Variants in EDARADD observed in about 807,000 individuals in gnomAD.
EDARADD encodes the protein EDAR associated via death domain.
EDARADD carries 20 observed loss-of-function variants against 25.6 expected under a neutral mutation model. That is an observed-to-expected ratio of 0.78 (90% confidence interval 0.55 to 1.14). The LOEUF (loss-of-function observed/expected upper bound fraction) is 1.14. Ranked by LOEUF, EDARADD falls within the 50% of genes most tolerant of loss-of-function variation. The probability of loss-of-function intolerance (pLI) is 0.00; values close to 1 mark genes in which losing one functional copy is unlikely to be tolerated. For missense variants in EDARADD, 225 were observed against 270.1 expected, an observed-to-expected ratio of 0.83 and a Z score of 1.17; for synonymous variants, 86 against 94.4, an observed-to-expected ratio of 0.91 and a Z score of 0.52.
intron 3 of EDARADD, among the ~76,000 whole-genome samples, chr1:236,354,416 C>T (rs1666952944): frequency 6.6e-6 from 1 of 152,132 alleles, no homozygotes; most frequent in Non-Finnish European, 1.5e-5. Flanking sequence ...CTCAGGTTCC[C>T]CAGCCATAAG....
intron 4 of EDARADD, among the ~76,000 whole-genome samples, chr1:236,437,058 A>G (rs763915670): frequency 6.6e-6 from 1 of 152,188 alleles, no homozygotes; most frequent in Non-Finnish European, 1.5e-5. Flanking sequence ...TAGAGCTTAC[A>G]GTCAAGTTTG....
At chr1:236,397,272 T>G (rs6668613) in intron 1 of EDARADD, among the ~76,000 whole-genome samples, 147 of 152,094 alleles carry the variant, frequency 9.7e-4, no homozygotes, top group African/African-American at 3.4e-3. Flanking sequence ...TAGCCAAATG[T>G]GCCAGTGCAT....
At position 236,455,546 on chromosome 1, in the gene EDARADD, A is replaced by C. The variant is rs146486719; in HGVS notation, c.220-12685A>C. 6.2e-3 allele frequency among the ~76,000 whole-genome samples: 943 copies of C among 152,290 alleles called. 15 individuals are homozygous for C. The highest frequency in any genetic ancestry group is 0.021 in the African/African-American group (859 of 41,558). On this transcript the variant is annotated intron_variant, in intron 4 of 5. Coordinates refer to ENST00000334232, the MANE Select transcript of EDARADD (RefSeq NM_145861.4). ...ACTCCTTACTTCATCCCTGATGGGA[A>C]GTTTATAGAATGAGGAACCAGGGCT...
intron 3 of EDARADD, among the ~76,000 whole-genome samples, chr1:236,379,544 C>T (rs756341358): frequency 1.9e-4 from 29 of 151,860 alleles, no homozygotes; most frequent in Admixed American, 1.4e-3. Flanking sequence ...TTTGGGAGGC[C>T]GAGGCGGGCA....
At chr1:236,454,138 C>T (rs565248651) in intron 4 of EDARADD, among the ~76,000 whole-genome samples, 12 of 152,104 alleles carry the variant, frequency 7.9e-5, no homozygotes, top group African/African-American at 2.4e-4. Flanking sequence ...CTCCATCTCC[C>T]GGGTTCAAGC....
At chr1:236,473,464 T>C (rs1356097442) in intron 5 of EDARADD, among the ~76,000 whole-genome samples, 1 of 152,088 alleles carries the variant, frequency 6.6e-6, no homozygotes. Flanking sequence ...GCCTGGGGAC[T>C]CTTTCTTCTG....
At chr1:236,455,702 C>T (rs576119620) in intron 4 of EDARADD, among the ~76,000 whole-genome samples, 4 of 152,328 alleles carry the variant, frequency 2.6e-5, no homozygotes, top group South Asian at 2.1e-4. Context: ...TCAAAACAAG[C>T]GGTGAAAGGG....
chr1:236,410,397 G>T (rs777631275), intron 2 of EDARADD, among the ~76,000 whole-genome samples: 16 of 152,124 alleles, frequency 1.1e-4, no homozygotes, highest in Non-Finnish European at 1.8e-4. Flanking sequence ...GCTTCCAGCT[G>T]CATCCATGTG....
intron 3 of EDARADD, among the ~76,000 whole-genome samples, chr1:236,373,454 C>A (rs966325734): frequency 1.3e-5 from 2 of 152,218 alleles, no homozygotes; most frequent in Non-Finnish European, 2.9e-5. Flanking sequence ...GAATCACCTG[C>A]CTTGGCCTCC....
chr1:236,381,801 CT>C (rs71559949), intron 3 of EDARADD, among the ~76,000 whole-genome samples: 197 of 42,002 alleles, frequency 4.7e-3, no homozygotes, highest in African/African-American at 9.9e-3. Context: ...CCTGTGGTTG[CT>C]TTTTTTTTTT....
chr1:236,388,777 C>G (rs1210651775), intron 3 of EDARADD, among the ~76,000 whole-genome samples: 1 of 152,166 alleles, frequency 6.6e-6, no homozygotes, highest in East Asian at 1.9e-4. Context: ...TCACTTGGAT[C>G]CAAGTCCACC....
intron 4 of EDARADD, among the ~76,000 whole-genome samples, chr1:236,467,424 GCGCACA>G (rs201000792): frequency 3.7e-4 from 45 of 120,894 alleles, no homozygotes; most frequent in Middle Eastern, 3.9e-3. Context: ...GCACACACAC[GCGCACA>G]CACACACACA....
At chr1:236,465,888 T>A (rs1217356192) in intron 4 of EDARADD, among the ~76,000 whole-genome samples, 1 of 152,232 alleles carries the variant, frequency 6.6e-6, no homozygotes, top group Non-Finnish European at 1.5e-5. Context: ...TCATGCATAT[T>A]AATCTAAATT....
chr1:236,379,053 A>G (rs1667262351), intron 3 of EDARADD, among the ~76,000 whole-genome samples: 1 of 152,148 alleles, frequency 6.6e-6, no homozygotes, highest in African/African-American at 2.4e-5. Context: ...AAAACTCAGC[A>G]TTATTGGAAG....
At chr1:236,405,789 CTTTTCTT>C (rs779886641) in intron 1 of EDARADD, among the ~76,000 whole-genome samples, 125 of 43,322 alleles carry the variant, frequency 2.9e-3, no homozygotes, top group African/African-American at 4.5e-3. Context: ...TTCTTTCTTT[CTTTTCTT>C]TTTCTTTCTT....
chr1:236,457,675 C>T (rs1363705165), intron 4 of EDARADD, among the ~76,000 whole-genome samples: 1 of 151,026 alleles, frequency 6.6e-6, no homozygotes, highest in Non-Finnish European at 1.5e-5. Context: ...AAAAATTAGC[C>T]GGGTGTAGTG....
chr1:236,366,777 G>A (rs1667116139), intron 3 of EDARADD, among the ~76,000 whole-genome samples: 1 of 138,388 alleles, frequency 7.2e-6, no homozygotes, highest in Admixed American at 7.5e-5. Context: ...TTTCACCTTT[G>A]CTTAATGTAG....
chr1:236,455,090 G>A (rs10802535), intron 4 of EDARADD, among the ~76,000 whole-genome samples: 99,172 of 151,934 alleles, frequency 0.65, 32,630 homozygotes, highest in South Asian at 0.72. Flanking sequence ...GGCGCCTGTA[G>A]TCCCAGCTAC....
intron 3 of EDARADD, among the ~76,000 whole-genome samples, chr1:236,353,447 C>T (rs1280718962): frequency 6.6e-6 from 1 of 151,996 alleles, no homozygotes; most frequent in Non-Finnish European, 1.5e-5. Flanking sequence ...TTTGGGAGGC[C>T]AGGGCAGGTG....
Sources: allele counts gnomAD v4.1 joint callset (sites outside exome capture counted in the v4.1 genomes callset), GRCh38; gene constraint gnomAD v4.1.1; transcripts MANE v1.5; gene names NCBI Gene and HGNC (gene_info 2026-07-23, HGNC 2026-07-21).